Variants in LTBP4 observed in about 807,000 individuals in gnomAD.
LTBP4 encodes latent-transforming growth factor beta-binding protein 4.
Under a neutral mutation model 180.2 loss-of-function variants are expected in LTBP4, and 93 were observed. The observed-to-expected ratio is 0.52, with a 90% CI of 0.44 to 0.61. The LOEUF (loss-of-function observed/expected upper bound fraction) is 0.61. Among genes scored for constraint, LTBP4 ranks in the 20% least tolerant of loss-of-function variants. The probability of loss-of-function intolerance (pLI) is 0.00; values close to 1 mark genes in which losing one functional copy is unlikely to be tolerated. For synonymous variants in LTBP4, 947 were observed against 934.5 expected, an observed-to-expected ratio of 1.01 and a Z score of -0.24; for missense variants, 2,116 against 2,256.5, an observed-to-expected ratio of 0.94 and a Z score of 1.26.
intron 15 of LTBP4, 91 bp from the exon 16 acceptor site, chr19:40,612,974 C>T: frequency 1.5e-6 from 2 of 1,349,036 alleles, no homozygotes; most frequent in Non-Finnish European, 1.0e-6. Context: ...CATGAGACTT[C>T]CCACCACCTC....
rs767420367 is a variant in LTBP4 at position 40,627,241 on chromosome 19, G to A, written c.4252G>A (p.Glu1418Lys). 5.0e-6 allele frequency: 8 copies of A among 1,596,058 alleles called. No homozygotes were observed. Among genetic ancestry groups the A allele is most frequent in the Non-Finnish European group, 6.8e-6 (8 of 1,173,274 alleles). Reference protein sequence around the residue: ...DFEDDGGPYGESEAPAPPGPG... With the variant: ...DFEDDGGPYGKSEAPAPPGPG... ...TGAGGACGATGGTGGCCCCTATGGC[G>A]AATCTGAGGCTCCTGCGCCACCTGG... The change falls in exon 28 of 30, where the codon GAA (glutamate) becomes AAA (lysine). Residue 1418 changes from glutamate (E) to lysine (K), a missense_variant. Glu to Lys is a moderately conservative substitution (Grantham distance 56). Coordinates refer to ENST00000396819, the MANE Select transcript of LTBP4 (RefSeq NM_001042545.2).
chr19:40,602,903 C>T (rs985094267), intron 1 of LTBP4, among the ~76,000 whole-genome samples: 4 of 152,176 alleles, frequency 2.6e-5, no homozygotes, highest in African/African-American at 9.7e-5. Flanking sequence ...TTTCCCACCC[C>T]CTCCATCAGA....
chr19:40,612,162 G>A lies in LTBP4; in HGVS notation c.2269G>A (p.Gly757Ser). Reference protein sequence around the residue: ...GSFQCRTCPSGHHLHRGRCTD... With the variant: ...GSFQCRTCPSSHHLHRGRCTD... Reference sequence around the variant, plus strand: ...CTTCCAGTGCAGGACCTGTCCTTCTGGCCACCACCTGCACCGTGGCAGATG... The same window carrying A: ...CTTCCAGTGCAGGACCTGTCCTTCTAGCCACCACCTGCACCGTGGCAGATG... Residue 757 changes from glycine to serine, a missense_variant, in exon 15 of 30, where the codon GGC (glycine) becomes AGC (serine). Transcript: ENST00000396819. 6.2e-7 allele frequency: 1 copy of A among 1,610,720 alleles called. No homozygotes were observed. Among genetic ancestry groups the A allele is most frequent in the Non-Finnish European group, 8.5e-7 (1 of 1,178,764 alleles).
chr19:40,598,842 C>A (rs1395684364), upstream of LTBP4, among the ~76,000 whole-genome samples: 3 of 152,208 alleles, frequency 2.0e-5, no homozygotes, highest in Admixed American at 6.5e-5. Context: ...GTTCTAGATT[C>A]CCAGACAGTG....
In LTBP4 at chr19:40,622,668, G is replaced by A; in HGVS notation, c.3484+1G>A. 1.9e-6 allele frequency: 3 copies of A among 1,599,318 alleles called. No individual in the cohort carries two copies. The highest frequency in any genetic ancestry group is 1.1e-5 in the South Asian group (1 of 90,368). ...CAGCAGTGCCCGGGCACCGAGACAG[G>A]TGGGCATGGGCTGATGGGGACACAG... is the stretch of plus-strand genomic sequence containing the variant. On this transcript the variant is annotated splice_donor_variant, in intron 23 of 29. Transcript: ENST00000396819. LOFTEE classifies it high-confidence loss of function. The surrounding 1 kb of genome is among the most constrained non-coding windows in gnomAD (Gnocchi z 5.1).
intron 15 of LTBP4, 128 bp from the exon 16 acceptor site, chr19:40,612,937 C>A (rs2081517490): frequency 5.5e-6 from 5 of 915,126 alleles, no homozygotes; most frequent in Middle Eastern, 2.2e-4. Flanking sequence ...CCACCTCTGC[C>A]ATAGAGCCCT....
Position 40,609,816 on chromosome 19 carries a change from C to G in LTBP4, c.1629C>G (p.Phe543Leu). Residue 543 changes from phenylalanine (F) to leucine (L), a missense_variant, in exon 11 of 30, where the codon TTC becomes TTG. Phe to Leu is a conservative substitution (Grantham distance 22). Around this residue, in one of 5 missense-constraint regions of LTBP4, gnomAD observed 877 missense variants for 873.6 expected, o/e 1.00. Transcript: ENST00000396819. This position sits in a 1 kb window ranked among gnomAD's most constrained non-coding sequence, Gnocchi z 4.9. ...GCTGCGAGAACTCACCAGGCAGCTT[C>G]CGCTGCGTGTGCGGCCCGGGCTTCC... ...PGRCENSPGS[F>L]RCVCGPGFRA... 1 of 1,606,704 alleles carries G rather than the reference C, an allele frequency of 6.2e-7. No individual in the cohort carries two copies. The highest frequency in any genetic ancestry group is 8.5e-7 in the Non-Finnish European group (1 of 1,176,146).
chr19:40,602,148 TG>T, intron 1 of LTBP4, among the ~76,000 whole-genome samples: 2 of 65,146 alleles, frequency 3.1e-5, no homozygotes, highest in Admixed American at 1.5e-4. Flanking sequence ...ACGGGGGTTG[TG>T]TGTGTGTGTG....
chr19:40,628,872 C>G (rs989282432), intron 29 of LTBP4, among the ~76,000 whole-genome samples: 2 of 151,094 alleles, frequency 1.3e-5, no homozygotes, highest in Non-Finnish European at 2.9e-5. Context: ...TTCTTGGCGA[C>G]AGAGACTCAC....
chr19:40,624,258 C>T (rs950968143), intron 26 of LTBP4, among the ~76,000 whole-genome samples, 176 bp downstream of exon 26: 1 of 150,234 alleles, frequency 6.7e-6, no homozygotes, highest in African/African-American at 2.5e-5. Flanking sequence ...CTCTCTGAGG[C>T]GAGCTGGCTA....
At position 40,605,081 on chromosome 19, in the gene LTBP4, T is replaced by C; in HGVS notation, c.297T>C (p.Pro99=). The change falls in exon 2 of 30, where the codon CCT becomes CCC. Residue 99 remains proline (P), a synonymous_variant. Coordinates refer to ENST00000396819, the MANE Select transcript of LTBP4 (RefSeq NM_001042545.2). The surrounding 1 kb of genome is among the most constrained non-coding windows in gnomAD (Gnocchi z 5.5). ...ACAATGGCGGTGTGTGCGTGAAGCC[T>C]GACCGCTGCCTCTGTCCCCCGGACT... ...ICHNGGVCVK[P]DRCLCPPDFA... 7 of 1,613,870 alleles carry C rather than the reference T, an allele frequency of 4.3e-6. No homozygotes were observed. The highest frequency in any genetic ancestry group is 5.9e-6 in the Non-Finnish European group (7 of 1,179,856).
Position 40,613,651 on chromosome 19 carries a change from A to T in LTBP4, c.2557+122A>T. The T allele has an allele frequency of 7.0e-7, 1 of 1,437,588 alleles. No homozygotes were observed. The highest frequency in any genetic ancestry group is 9.4e-7 in the Non-Finnish European group (1 of 1,060,720). The allele number at this position is 1,437,588 out of a possible 1,614,324, so 89.1% of individuals were successfully genotyped here. ...TTAGCCGGGGTATTCCAGCAGGATCAGGGGGCAGCTGGTGGGAGTCTCGAG... is the reference window on the plus strand; with the variant it reads ...TTAGCCGGGGTATTCCAGCAGGATCTGGGGGCAGCTGGTGGGAGTCTCGAG... On this transcript the variant is annotated intron_variant, in intron 17 of 29. Transcript: ENST00000396819. This position sits in a 1 kb window ranked among gnomAD's most constrained non-coding sequence, Gnocchi z 5.0.
At position 40,610,406 on chromosome 19, in the gene LTBP4, CCGGG is replaced by C. The variant is rs1333636734; in HGVS notation, c.1685-125_1685-122del. ...CTGTGCCCCTCTCCGGCTGTCCTGG[CCGGG>C]TCCCCATCCTGGCTCTGGCCCAAGC... On this transcript the variant is annotated intron_variant, in intron 11 of 29. Transcript: ENST00000396819. The C allele has an allele frequency of 5.2e-6, 6 of 1,163,628 alleles. No individual in the cohort carries two copies. The African/African-American group carries it at 9.2e-5, about 18-fold the overall frequency. The allele number at this position is 1,163,628 out of a possible 1,614,324, so 72.1% of individuals were successfully genotyped here. A position where few individuals can be genotyped will look rare whatever the true frequency, so the allele number is the denominator to read the frequency against.
chr19:40,626,907 G>C (rs541431704), intron 27 of LTBP4, 68 bp from the exon 28 acceptor site: 2 of 1,474,596 alleles, frequency 1.4e-6, no homozygotes, highest in Middle Eastern at 1.8e-4. Context: ...CTCTCCCAAG[G>C]GGGGTATGTG....
At chr19:40,618,533 T>C (rs2081565670) in intron 21 of LTBP4, among the ~76,000 whole-genome samples, 1 of 152,120 alleles carries the variant, frequency 6.6e-6, no homozygotes, top group African/African-American at 2.4e-5. Context: ...AGTGCTGGGA[T>C]TATAAGCATG....
upstream of LTBP4, chr19:40,599,974 C>T: frequency 1.7e-6 from 1 of 581,186 alleles, no homozygotes; most frequent in South Asian, 7.1e-5. Context: ...TGGGCAGAGC[C>T]GCTACTGAAA....
upstream of LTBP4, chr19:40,599,767 C>G: frequency 1.7e-6 from 1 of 587,176 alleles, no homozygotes; most frequent in Non-Finnish European, 3.0e-6. Flanking sequence ...CTGTCTCTTT[C>G]TGTTTCTTTC....
At position 40,606,521 on chromosome 19, in the gene LTBP4, G is replaced by T; in HGVS notation, c.986G>T (p.Cys329Phe). The stretch of plus-strand genomic sequence containing the variant: ...CTGCTCGACTCGTCCCGCAGCAGCT[G>T]CATCTGTGAGCAACCAGCAGGGAGC... ...GFLLDSSRSS[C>F]ISQHVISEAK... The change falls in exon 6 of 30, where the codon TGC (cysteine) becomes TTC (phenylalanine). Residue 329 changes from cysteine (C) to phenylalanine (F), a missense_variant. Cys to Phe is a radical substitution (Grantham distance 205). Coordinates refer to ENST00000396819, the MANE Select transcript of LTBP4 (RefSeq NM_001042545.2). 1 of 1,563,960 alleles carries T rather than the reference G, an allele frequency of 6.4e-7. No homozygotes were observed. Among genetic ancestry groups the T allele is most frequent in the South Asian group, 1.2e-5 (1 of 84,958 alleles).
upstream of LTBP4, among the ~76,000 whole-genome samples, chr19:40,600,510 C>G (rs1328702837): frequency 6.6e-6 from 1 of 152,216 alleles, no homozygotes; most frequent in Non-Finnish European, 1.5e-5. This position sits in a 1 kb window ranked among gnomAD's most constrained non-coding sequence, Gnocchi z 4.4. Context: ...CGGGTTGGCG[C>G]CTGCCTGGGC....
Sources: gnomAD v4.1 joint callset for allele counts (sites outside exome capture counted in the v4.1 genomes callset) on GRCh38, gnomAD v4.1.1 for gene constraint, gnomAD v4.1.1 regional missense constraint, Gnocchi (gnomAD v3.1) non-coding constraint, MANE v1.5 for transcripts, NCBI Gene and HGNC (gene_info 2026-07-23, HGNC 2026-07-21) for gene names.